MERTK: variants seen among roughly 807,000 people sequenced by gnomAD.
MERTK encodes tyrosine-protein kinase Mer.
Under a neutral mutation model 99.3 loss-of-function variants are expected in MERTK, and 69 were observed. The observed-to-expected ratio is 0.70, with a 90% CI of 0.57 to 0.85. The LOEUF (loss-of-function observed/expected upper bound fraction) is 0.85. Among genes scored for constraint, MERTK ranks in the 40% least tolerant of loss-of-function variants. The probability of loss-of-function intolerance (pLI) is 0.00; values close to 1 mark genes in which losing one functional copy is unlikely to be tolerated. For synonymous variants in MERTK, 426 were observed against 467.6 expected, an observed-to-expected ratio of 0.91 and a Z score of 1.15; for missense variants, 1,125 against 1,249.4, an observed-to-expected ratio of 0.90 and a Z score of 1.50.
At chr2:111,947,948 G>A (rs1224289743) in intron 4 of MERTK, among the ~76,000 whole-genome samples, 1 of 152,130 alleles carries the variant, frequency 6.6e-6, no homozygotes, top group Non-Finnish European at 1.5e-5. Context: ...CCGAGAGAGT[G>A]GATTCATCAT....
At chr2:111,931,704 A>AG (rs1397530095) in intron 2 of MERTK, among the ~76,000 whole-genome samples, 17 of 150,076 alleles carry the variant, frequency 1.1e-4, no homozygotes, top group East Asian at 3.9e-4. Flanking sequence ...AAAAAAAAAA[A>AG]GAAGTGAATG....
At chr2:111,963,797 T>C (rs918885219) in intron 4 of MERTK, among the ~76,000 whole-genome samples, 1 of 151,914 alleles carries the variant, frequency 6.6e-6, no homozygotes, top group Non-Finnish European at 1.5e-5. Context: ...GATCTCTCTT[T>C]CTTTTCCCCA....
At chr2:111,911,514 G>A (rs181792668) in intron 1 of MERTK, among the ~76,000 whole-genome samples, 14 of 150,828 alleles carry the variant, frequency 9.3e-5, no homozygotes, top group African/African-American at 2.9e-4. Context: ...TCAGTCTCCC[G>A]AGTAGTTGGG....
intron 2 of MERTK, among the ~76,000 whole-genome samples, chr2:111,932,251 G>A (rs111724843): frequency 8.5e-5 from 13 of 152,054 alleles, no homozygotes; most frequent in African/African-American, 2.4e-4. Context: ...GCGCGACCTC[G>A]GCTCACTGCA....
chr2:111,942,857 C>T (rs1300800547), intron 2 of MERTK, among the ~76,000 whole-genome samples: 3 of 152,148 alleles, frequency 2.0e-5, no homozygotes, highest in South Asian at 2.1e-4. Flanking sequence ...TCTGACCCCC[C>T]GAGTTCTGAC....
At position 111,978,611 on chromosome 2, in the gene MERTK, C is replaced by G. The variant is rs150478131; in HGVS notation, c.1144+3139C>G. 1.2e-4 allele frequency among the ~76,000 whole-genome samples: 18 copies of G among 152,296 alleles called. No homozygotes were observed. In the East Asian group the frequency reaches 3.3e-3, roughly 28 times the overall value. ...GGGATTATAGGCATGAGCCACCGTG[C>G]CCAGCCTTTTCATAACTGTTTCAAT... is the stretch of plus-strand genomic sequence containing the variant. On this transcript the variant is annotated intron_variant, in intron 7 of 18. Coordinates refer to ENST00000295408, the MANE Select transcript of MERTK (RefSeq NM_006343.3).
chr2:111,921,589 A>ACAGCAAG (rs1684460440), intron 1 of MERTK, among the ~76,000 whole-genome samples: 1 of 152,142 alleles, frequency 6.6e-6, no homozygotes, highest in Non-Finnish European at 1.5e-5. Context: ...CCTTCAGCAG[A>ACAGCAAG]CAGCAAGACT....
At chr2:111,905,396 T>G (rs1224168702) in intron 1 of MERTK, among the ~76,000 whole-genome samples, 3 of 151,614 alleles carry the variant, frequency 2.0e-5, no homozygotes, top group Non-Finnish European at 4.4e-5. Flanking sequence ...AAAGGGTGAT[T>G]ATGTCTCAAA....
chr2:111,947,489 G>T lies in MERTK; in HGVS notation c.679G>T (p.Val227Phe). The T allele has an allele frequency of 6.2e-7, 1 of 1,614,140 alleles. No homozygotes were observed. The highest frequency in any genetic ancestry group is 8.5e-7 in the Non-Finnish European group (1 of 1,180,036). ...TCQAVGPPEP[V>F]NIFWVQNSSR... ...TCAGGCTGTGGGCCCGCCTGAGCCC[G>T]TCAACATTTTCTGGGTTCAAAACAG... The change falls in exon 4 of 19, where the codon GTC becomes TTC. Residue 227 changes from valine to phenylalanine, a missense_variant. By Grantham distance (50) the Val-to-Phe change is conservative. Coordinates refer to ENST00000295408, the MANE Select transcript of MERTK (RefSeq NM_006343.3).
At chr2:111,902,365 G>T (rs1323243109) in intron 1 of MERTK, among the ~76,000 whole-genome samples, 1 of 152,170 alleles carries the variant, frequency 6.6e-6, no homozygotes, top group Non-Finnish European at 1.5e-5. Flanking sequence ...TGAAACAGTC[G>T]CTTTCCATAT....
intron 1 of MERTK, among the ~76,000 whole-genome samples, chr2:111,903,591 C>T (rs1247586964): frequency 6.6e-6 from 1 of 152,164 alleles, no homozygotes; most frequent in East Asian, 1.9e-4. Flanking sequence ...AATCTTAACC[C>T]AAAGCACATG....
chr2:111,947,340 T>C, intron 3 of MERTK, 54 bp from the exon 4 acceptor site: 2 of 1,446,428 alleles, frequency 1.4e-6, no homozygotes, highest in Non-Finnish European at 1.9e-6. Flanking sequence ...CCCTTTGGGC[T>C]CTGTCTCTGT....
intron 11 of MERTK, among the ~76,000 whole-genome samples, chr2:112,002,279 G>T (rs1221214185): frequency 2.6e-5 from 4 of 151,992 alleles, no homozygotes; most frequent in Non-Finnish European, 5.9e-5. Context: ...TTTAGCCCTT[G>T]CTATGCTGTT....
At chr2:111,997,624 T>A in intron 10 of MERTK, 148 bp downstream of exon 10, 1 of 945,452 alleles carries the variant, frequency 1.1e-6, no homozygotes, top group Non-Finnish European at 1.6e-6. Context: ...GGCAGCTTCC[T>A]GACTTACGCC....
intron 15 of MERTK, among the ~76,000 whole-genome samples, chr2:112,013,831 T>A (rs2104416638): frequency 6.6e-6 from 1 of 151,068 alleles, no homozygotes; most frequent in African/African-American, 2.4e-5. Context: ...CACATTTAAT[T>A]TATGGTACGT....
At chr2:111,941,930 C>T (rs1047050121) in intron 2 of MERTK, among the ~76,000 whole-genome samples, 7 of 152,212 alleles carry the variant, frequency 4.6e-5, no homozygotes, top group Admixed American at 1.3e-4. Context: ...GCATCTTACG[C>T]AGTCTGATTT....
intron 4 of MERTK, among the ~76,000 whole-genome samples, chr2:111,959,430 A>G (rs184463172): frequency 1.7e-4 from 26 of 152,080 alleles, no homozygotes; most frequent in African/African-American, 5.1e-4. Context: ...TCAGTTCTCA[A>G]TGCTTTGGTC....
intron 3 of MERTK, among the ~76,000 whole-genome samples, chr2:111,946,337 A>G (rs1394783056): frequency 6.6e-6 from 1 of 152,228 alleles, no homozygotes; most frequent in Non-Finnish European, 1.5e-5. Context: ...GAGTTTCAAA[A>G]AAACCTTGAA....
At chr2:111,981,481 C>T (rs937606665) in intron 7 of MERTK, among the ~76,000 whole-genome samples, 10 of 152,144 alleles carry the variant, frequency 6.6e-5, no homozygotes, top group African/African-American at 2.4e-4. Context: ...GTGGCATGAT[C>T]TTGACTCACT....
Sources: allele counts gnomAD v4.1 joint callset (sites outside exome capture counted in the v4.1 genomes callset), GRCh38; gene constraint gnomAD v4.1.1; transcripts MANE v1.5; gene names NCBI Gene and HGNC (gene_info 2026-07-23, HGNC 2026-07-21).